NAA50: variants seen among roughly 807,000 people sequenced by gnomAD.
NAA50 encodes the protein N-alpha-acetyltransferase 50.
Under a neutral mutation model 20.7 loss-of-function variants are expected in NAA50, and 7 were observed. The ratio of observed to expected loss-of-function variants is 0.34; its 90% CI spans 0.19 to 0.63. The LOEUF is 0.63. Ranked by LOEUF, NAA50 falls within the 30% of genes least tolerant of loss-of-function variation. NAA50 has a pLI of 0.75. For missense variants in NAA50, 111 were observed against 199.1 expected, an observed-to-expected ratio of 0.56 and a Z score of 2.66; for synonymous variants, 54 against 70.6, an observed-to-expected ratio of 0.77 and a Z score of 1.18.
Position 113,722,989 on chromosome 3 carries a change from TAACA to T in NAA50, c.266-21_266-18del, listed in dbSNP as rs752919012. 3.6e-4 allele frequency: 540 copies of T among 1,512,534 alleles called. 1 individual carries two copies. In the African/African-American group the frequency reaches 3.8e-3, roughly 11 times the overall value. The allele number at this position is 1,512,534 out of a possible 1,614,324, so 93.7% of individuals were successfully genotyped here. ...TTTTAGTTCCTGTTAATAAAATAAA[TAACA>T]AACACGTGACTTCATAAATCAACCT... On this transcript the variant is annotated intron_variant, in intron 3 of 4. Coordinates refer to ENST00000240922, the MANE Select transcript of NAA50 (RefSeq NM_025146.4).
rs1328359215 is a variant in NAA50, at chr3:113,719,426, A to G, written c.*2334T>C. 6.6e-6 allele frequency: 1 copy of G among 152,428 alleles called. No homozygotes were observed. Among genetic ancestry groups the G allele is most frequent in the Non-Finnish European group, 1.5e-5 (1 of 68,022 alleles). The allele number at this position is 152,428 out of a possible 1,614,324, so 9.4% of individuals were successfully genotyped here. ...ACAGAATTGTTCTACTTCAAAGATA[A>G]TTATTATCATATATCAAAATAACCA... On this transcript the variant is annotated 3_prime_UTR_variant, in exon 5 of 5. Coordinates refer to ENST00000240922, the MANE Select transcript of NAA50 (RefSeq NM_025146.4).
chr3:113,734,815 T>A lies in NAA50; in HGVS notation c.9-10720A>T, dbSNP rs551413406. On this transcript the variant is annotated intron_variant, in intron 1 of 4. Transcript: ENST00000240922. ...CATCTTTGCTTTTGGAATAAACACC[T>A]ATAAATACATGTTCTGATAGTTTTT... is the stretch of plus-strand genomic sequence containing the variant. Among the ~76,000 whole-genome samples, 6 of 152,326 alleles carry A rather than the reference T, an allele frequency of 3.9e-5. No individual in the cohort carries two copies. In the South Asian group the frequency reaches 1.0e-3, roughly 26 times the overall value.
At chr3:113,725,618 T>TA (rs1456232646) in intron 1 of NAA50, among the ~76,000 whole-genome samples, 7 of 152,032 alleles carry the variant, frequency 4.6e-5, no homozygotes. Flanking sequence ...TAAAAAAACT[T>TA]AACCAGGTGT....
At chr3:113,728,626 C>A (rs1708231135) in intron 1 of NAA50, among the ~76,000 whole-genome samples, 1 of 152,162 alleles carries the variant, frequency 6.6e-6, no homozygotes, top group African/African-American at 2.4e-5. Context: ...TGAAAAAGAA[C>A]CAATTTTATG....
At chr3:113,745,432 T>C (rs1449994653) in intron 1 of NAA50, among the ~76,000 whole-genome samples, 2 of 152,094 alleles carry the variant, frequency 1.3e-5, no homozygotes, top group African/African-American at 4.8e-5. Flanking sequence ...AGTCACTAGC[T>C]CTTAATACTC....
At position 113,731,953 on chromosome 3, in the gene NAA50, G is replaced by A. The variant is rs1297962067; in HGVS notation, c.9-7858C>T. Among the ~76,000 whole-genome samples, 8 of 152,200 alleles carry A rather than the reference G, an allele frequency of 5.3e-5. No homozygotes were observed. The East Asian group carries it at 7.7e-4, about 15-fold the overall frequency. Reference sequence around the variant, plus strand: ...CATAAAAGTCTGCGTGTGGACATACGCCTTAGTTTTTTTTCTGGTAGATAA... The same window carrying A: ...CATAAAAGTCTGCGTGTGGACATACACCTTAGTTTTTTTTCTGGTAGATAA... On this transcript the variant is annotated intron_variant, in intron 1 of 4. Transcript: ENST00000240922.
chr3:113,745,822 AAATCTCCCTCCGCCCGTCTTCGCCCTG>A (rs1708488475), intron 1 of NAA50, 93 bp downstream of exon 1: 6 of 1,206,600 alleles, frequency 5.0e-6, no homozygotes, highest in South Asian at 3.0e-5. Context: ...AGAAGCAGAG[AAATCTCCCTCCGCCCGTCTTCGCCCTG>A]AATCTCTCCT....
In NAA50 at chr3:113,716,887, A is replaced by C. The variant is rs1193497143; in HGVS notation, c.*4873T>G. The C allele has an allele frequency of 6.6e-6, 1 of 152,222 alleles. No homozygotes were observed. Among genetic ancestry groups the C allele is most frequent in the African/African-American group, 2.4e-5 (1 of 41,458 alleles). The allele number at this position is 152,222 out of a possible 1,614,324, so 9.4% of individuals were successfully genotyped here. ...TCATCACAAATTTAAAAAGGTAATA[A>C]TTCTTCTAGATCTCAACTCTAGGCT... is the stretch of plus-strand genomic sequence containing the variant. On this transcript the variant is annotated 3_prime_UTR_variant, in exon 5 of 5. Coordinates refer to ENST00000240922, the MANE Select transcript of NAA50 (RefSeq NM_025146.4).
intron 1 of NAA50, among the ~76,000 whole-genome samples, chr3:113,731,238 T>C (rs1236050080): frequency 1.3e-5 from 2 of 152,210 alleles, no homozygotes; most frequent in African/African-American, 2.4e-5. Flanking sequence ...TTGTAAGTTA[T>C]GTATGTTGCA....
At chr3:113,725,308 G>A (rs186646318) in intron 1 of NAA50, among the ~76,000 whole-genome samples, 249 of 152,254 alleles carry the variant, frequency 1.6e-3, no homozygotes, top group African/African-American at 5.8e-3. Context: ...GTAGCATATT[G>A]TGTTTTGTAG....
rs1387558973 is a variant in NAA50 at position 113,717,683 on chromosome 3, A to C, written c.*4077T>G. 1 of 152,196 alleles carries C rather than the reference A, an allele frequency of 6.6e-6. No homozygotes were observed. Among genetic ancestry groups the C allele is most frequent in the Non-Finnish European group, 1.5e-5 (1 of 68,028 alleles). 9.4% of individuals were successfully genotyped at this position (152,196 alleles called of 1,614,324 possible). A position where few individuals can be genotyped will look rare whatever the true frequency, so the allele number is the denominator to read the frequency against. ...GTATCCAATTTCCCAGAAATATTCAAATCAGTGAGAACAGCATCAGTCTGA... is the reference window on the plus strand; with the variant it reads ...GTATCCAATTTCCCAGAAATATTCACATCAGTGAGAACAGCATCAGTCTGA... On this transcript the variant is annotated 3_prime_UTR_variant, in exon 5 of 5. Coordinates refer to ENST00000240922, the MANE Select transcript of NAA50 (RefSeq NM_025146.4).
At chr3:113,732,542 T>C (rs181866428) in intron 1 of NAA50, among the ~76,000 whole-genome samples, 11 of 152,310 alleles carry the variant, frequency 7.2e-5, no homozygotes, top group Admixed American at 5.2e-4. Flanking sequence ...CTAGGAATCT[T>C]TCCTTGCCCC....
chr3:113,746,190 T>G lies in NAA50; in HGVS notation c.-241A>C. On this transcript the variant is annotated 5_prime_UTR_variant, in exon 1 of 5. Transcript: ENST00000240922. ...CCGCTTCTCCACACGTGCACTCGGG[T>G]CTCTCGGCTCCCTCCCGCCGCTGCC... The G allele has an allele frequency of 2.0e-6, 1 of 511,136 alleles. No individual in the cohort carries two copies. Among genetic ancestry groups the G allele is most frequent in the Non-Finnish European group, 3.4e-6 (1 of 292,294 alleles). 31.7% of individuals were successfully genotyped at this position (511,136 alleles called of 1,614,324 possible).
At chr3:113,745,170 T>G (rs927821519) in intron 1 of NAA50, among the ~76,000 whole-genome samples, 6 of 152,154 alleles carry the variant, frequency 3.9e-5, no homozygotes, top group Non-Finnish European at 7.3e-5. Flanking sequence ...CGATCCAAAA[T>G]AATTCCTAAT....
intron 1 of NAA50, among the ~76,000 whole-genome samples, chr3:113,745,039 T>A (rs779719654): frequency 1.3e-5 from 2 of 152,224 alleles, no homozygotes; most frequent in Non-Finnish European, 2.9e-5. Flanking sequence ...TTCATCTCTT[T>A]GAGGGTAAAG....
chr3:113,719,531 T>G lies in NAA50; in HGVS notation c.*2229A>C, dbSNP rs1577065914. On this transcript the variant is annotated 3_prime_UTR_variant, in exon 5 of 5. Transcript: ENST00000240922. Reference sequence around the variant, plus strand: ...TGCCCAGCTTTTTACCTCTTCCACATTCTCCTCCTCCTCCATAAGTGGATG... The same window carrying G: ...TGCCCAGCTTTTTACCTCTTCCACAGTCTCCTCCTCCTCCATAAGTGGATG... 6.6e-6 allele frequency: 1 copy of G among 152,602 alleles called. No individual in the cohort carries two copies. Among genetic ancestry groups the G allele is most frequent in the East Asian group, 1.9e-4 (1 of 5,198 alleles). The allele number at this position is 152,602 out of a possible 1,614,324, so 9.5% of individuals were successfully genotyped here. A position where few individuals can be genotyped will look rare whatever the true frequency, so the allele number is the denominator to read the frequency against.
chr3:113,733,479 C>G (rs919386617), intron 1 of NAA50, among the ~76,000 whole-genome samples: 1 of 151,852 alleles, frequency 6.6e-6, no homozygotes, highest in African/African-American at 2.4e-5. Flanking sequence ...AAAATAAGTA[C>G]AAACTGGATA....
chr3:113,743,974 G>A (rs1708456087), intron 1 of NAA50, among the ~76,000 whole-genome samples: 1 of 152,184 alleles, frequency 6.6e-6, no homozygotes, highest in Non-Finnish European at 1.5e-5. Flanking sequence ...AGCCTATGGA[G>A]ACTGAACTAG....
intron 1 of NAA50, among the ~76,000 whole-genome samples, chr3:113,737,254 T>C (rs147587157): frequency 1.3e-5 from 2 of 152,224 alleles, no homozygotes; most frequent in South Asian, 2.1e-4. Flanking sequence ...AAGCATCTTT[T>C]AGTTAGGATC....
Sources: allele counts gnomAD v4.1 joint callset (sites outside exome capture counted in the v4.1 genomes callset), GRCh38; gene constraint gnomAD v4.1.1; transcripts MANE v1.5; gene names NCBI Gene and HGNC (gene_info 2026-07-23, HGNC 2026-07-21).